CFAP74: variants seen among roughly 807,000 people sequenced by gnomAD.
CFAP74 encodes the protein cilia and flagella associated protein 74, also known as cilia- and flagella-associated protein 74.
CFAP74 carries 124 observed loss-of-function variants against 188.9 expected under a neutral mutation model. The observed-to-expected ratio is 0.66, with a 90% CI of 0.57 to 0.76. The LOEUF is 0.76. CFAP74 is among the 30% of genes least tolerant of loss of function. The probability of loss-of-function intolerance (pLI) is 0.00; values close to 1 mark genes in which losing one functional copy is unlikely to be tolerated. For missense variants in CFAP74, 2,198 were observed against 2,165.2 expected (o/e 1.02, Z -0.30); for synonymous variants, 956 against 916.7 (o/e 1.04, Z -0.77).
intron 27 of CFAP74, 67 bp downstream of exon 27, chr1:1,928,717 C>A (rs964811413): frequency 1.6e-6 from 2 of 1,227,996 alleles, no homozygotes; most frequent in Admixed American, 2.0e-5. Context: ...GACTCGAAGG[C>A]GGTGGAGTTT....
intron 8 of CFAP74, among the ~76,000 whole-genome samples, chr1:1,972,384 A>AG (rs1337515052): frequency 2.6e-5 from 4 of 152,252 alleles, no homozygotes; most frequent in Non-Finnish European, 5.9e-5. Flanking sequence ...GCTGGCGCAG[A>AG]GGCCGGGCCA....
At chr1:1,960,060 G>C in intron 14 of CFAP74, 30 bp from the exon 15 acceptor site, 4 of 1,583,382 alleles carry the variant, frequency 2.5e-6, no homozygotes, top group Non-Finnish European at 3.4e-6. Context: ...GCACACGGGG[G>C]TTAGTGCTGC....
chr1:2,002,241 A>C (rs981215700), intron 1 of CFAP74, among the ~76,000 whole-genome samples: 5 of 152,062 alleles, frequency 3.3e-5, no homozygotes, highest in Admixed American at 6.6e-5. Flanking sequence ...CTTTTATACA[A>C]GTTTGGGATT....
At chr1:1,993,930 C>A (rs374321343) in intron 1 of CFAP74, among the ~76,000 whole-genome samples, 4 of 150,140 alleles carry the variant, frequency 2.7e-5, no homozygotes, top group South Asian at 4.2e-4. Flanking sequence ...TGCAGTGAGC[C>A]GAGATCACAC....
intron 2 of CFAP74, among the ~76,000 whole-genome samples, chr1:1,990,644 G>C (rs1657514119): frequency 6.6e-6 from 1 of 152,110 alleles, no homozygotes; most frequent in South Asian, 2.1e-4. Context: ...GATAAAAATG[G>C]CATCAGATTT....
At chr1:1,925,209 T>C (rs1476183616) in intron 33 of CFAP74, among the ~76,000 whole-genome samples, 2 of 114,680 alleles carry the variant, frequency 1.7e-5, no homozygotes, top group Admixed American at 1.8e-4. Context: ...TGGGGCAGCG[T>C]GAAGGCATGA....
intron 13 of CFAP74, among the ~76,000 whole-genome samples, chr1:1,964,161 A>G (rs889030579): frequency 2.0e-5 from 3 of 152,234 alleles, no homozygotes; most frequent in African/African-American, 7.2e-5. Context: ...TGTGGGTTCC[A>G]AGGTGGGTCC....
chr1:1,971,279 A>G (rs557619881), intron 9 of CFAP74, among the ~76,000 whole-genome samples: 2 of 124,790 alleles, frequency 1.6e-5, no homozygotes, highest in Admixed American at 1.4e-4. Context: ...GCAAACCTGC[A>G]CACACGTGCA....
intron 22 of CFAP74, among the ~76,000 whole-genome samples, 164 bp from the exon 23 acceptor site, chr1:1,940,567 C>T (rs1365356120): frequency 6.6e-6 from 1 of 152,234 alleles, no homozygotes; most frequent in African/African-American, 2.4e-5. Context: ...TCGCACAGAA[C>T]CCACGAGCAC....
Position 1,923,430 on chromosome 1 carries a change from G to A in CFAP74, c.4459C>T (p.Pro1487Ser). The part of the protein sequence containing the change: ...QHMMFVEGGD[P>S]LDVPVESLTA... The stretch of plus-strand genomic sequence containing the variant: ...AGAGACTCCACGGGCACGTCCAGGG[G>A]GTCGCCGCCCTCCACGAACATCATG... The change falls in exon 36 of 39, where the codon CCC becomes TCC. Residue 1487 changes from proline (P) to serine (S), a missense_variant. Transcript: ENST00000682832. The surrounding 1 kb of genome is among the most constrained non-coding windows in gnomAD (Gnocchi z 6.3). 6.2e-7 allele frequency: 1 copy of A among 1,605,148 alleles called. No individual in the cohort carries two copies. The highest frequency in any genetic ancestry group is 8.5e-7 in the Non-Finnish European group (1 of 1,176,978).
Position 1,922,573 on chromosome 1 carries a change from G to A in CFAP74, c.4818+16C>T. On this transcript the variant is annotated intron_variant, in intron 38 of 38. Transcript: ENST00000682832. Reference sequence around the variant, plus strand: ...CGTTCCCAGGGCTCCCTGGCCTGGAGCCCAAAGGCACCTACATCAAAGTCC... The same window carrying A: ...CGTTCCCAGGGCTCCCTGGCCTGGAACCCAAAGGCACCTACATCAAAGTCC... 6 of 1,608,596 alleles carry A rather than the reference G, an allele frequency of 3.7e-6. No individual in the cohort carries two copies. Among genetic ancestry groups the A allele is most frequent in the Non-Finnish European group, 5.1e-6 (6 of 1,178,200 alleles).
At position 1,922,693 on chromosome 1, in the gene CFAP74, A is replaced by T. The variant is rs1468586193; in HGVS notation, c.4714T>A (p.Ser1572Thr). ...TVEFSIDSVA[S>T]LQHKGFSIEP... ...ATAGAGAAACCCTTGTGCTGCAGGG[A>T]TGCGACGCTGTCTATGCTGAACTCA... The change falls in exon 38 of 39, where the codon TCC becomes ACC. Residue 1572 changes from serine to threonine, a missense_variant. Ser to Thr is a moderately conservative substitution (Grantham distance 58). Coordinates refer to ENST00000682832, the MANE Select transcript of CFAP74 (RefSeq NM_001304360.2). The T allele has an allele frequency of 6.2e-7, 1 of 1,600,506 alleles. No homozygotes were observed. The highest frequency in any genetic ancestry group is 1.1e-5 in the South Asian group (1 of 90,146).
rs575633620 is a variant in CFAP74, at chr1:1,966,569, A to G, written c.1246-43T>C. On this transcript the variant is annotated intron_variant, in intron 11 of 38. Transcript: ENST00000682832. ...AACATCGCAAAGACACGCTCATGAC[A>G]GAGAACAGGGAAGAGAAACTCGGCC... 54 of 1,459,768 alleles carry G rather than the reference A, an allele frequency of 3.7e-5. No individual in the cohort carries two copies. The East Asian group carries it at 1.3e-3, about 36-fold the overall frequency. The allele number at this position is 1,459,768 out of a possible 1,614,324, so 90.4% of individuals were successfully genotyped here.
At chr1:2,003,579 C>A (rs1315619944) in intron 1 of CFAP74, 122 bp downstream of exon 1, 1 of 152,210 alleles carries the variant, frequency 6.6e-6, no homozygotes, top group Non-Finnish European at 1.5e-5. Context: ...TTAACAAAGT[C>A]ATTTTTCTGG....
chr1:1,985,564 A>C, intron 5 of CFAP74, 74 bp from the exon 6 acceptor site: 1 of 1,179,190 alleles, frequency 8.5e-7, no homozygotes, highest in Non-Finnish European at 1.3e-6. Context: ...TTCACCTGGC[A>C]CTCCCTGGCC....
intron 1 of CFAP74, 99 bp from the exon 2 acceptor site, chr1:1,991,074 G>A (rs1657539253): frequency 1.3e-5 from 10 of 750,062 alleles, no homozygotes; most frequent in South Asian, 3.8e-5. Flanking sequence ...GAAAACAAAC[G>A]ACAGATTAGG....
Position 1,970,674 on chromosome 1 carries a change from A to T in CFAP74, c.1031T>A (p.Leu344Gln). Residue 344 changes from leucine (L) to glutamine (Q), a missense_variant, in exon 10 of 39, where the codon CTG becomes CAG. Transcript: ENST00000682832. ...CCACCCTCACCTCTTCTGGGCCTCC[A>T]GCTCCTGGCGCCGGCGCTGGTGGAC... The part of the protein sequence containing the change: ...HLVHQRRRQE[L>Q]EAQKRAFEEE... 6.2e-7 allele frequency: 1 copy of T among 1,610,252 alleles called. No homozygotes were observed. Among genetic ancestry groups the T allele is most frequent in the Non-Finnish European group, 8.5e-7 (1 of 1,178,470 alleles).
At position 1,968,729 on chromosome 1, in the gene CFAP74, CTGG is replaced by C; in HGVS notation, c.1148_1150del (p.Thr383del). On this transcript the variant is annotated inframe_deletion, in exon 11 of 39. Coordinates refer to ENST00000682832, the MANE Select transcript of CFAP74 (RefSeq NM_001304360.2). The surrounding 1 kb of genome is among the most constrained non-coding windows in gnomAD (Gnocchi z 4.3). ...CCTCAGGGTCAGCCGGTGCCTGGCA[CTGG>C]TGGGGGGATGCTGTTTCTTCCTCTT... is the stretch of plus-strand genomic sequence containing the variant. 1 of 1,614,142 alleles carries C rather than the reference CTGG, an allele frequency of 6.2e-7. No individual in the cohort carries two copies. The highest frequency in any genetic ancestry group is 1.3e-5 in the African/African-American group (1 of 75,046).
intron 1 of CFAP74, among the ~76,000 whole-genome samples, chr1:2,001,398 C>T (rs1324439411): frequency 2.0e-5 from 3 of 151,070 alleles, no homozygotes; most frequent in African/African-American, 2.4e-5. Flanking sequence ...GGCGCAGGGT[C>T]GGCTCACTGC....
Sources: allele counts gnomAD v4.1 joint callset (sites outside exome capture counted in the v4.1 genomes callset), GRCh38; gene constraint gnomAD v4.1.1; non-coding constraint Gnocchi (gnomAD v3.1); transcripts MANE v1.5; gene names NCBI Gene and HGNC (gene_info 2026-07-23, HGNC 2026-07-21).